COL11A2: variants seen among roughly 807,000 people sequenced by gnomAD.
COL11A2 encodes the protein collagen alpha-2(XI) chain.
COL11A2 carries 116 observed loss-of-function variants against 273.4 expected under a neutral mutation model. The observed-to-expected ratio is 0.42, with a 90% CI of 0.36 to 0.49. The LOEUF (loss-of-function observed/expected upper bound fraction) is 0.49. Among genes scored for constraint, COL11A2 ranks in the 20% least tolerant of loss-of-function variants. COL11A2 has a pLI of 0.00. For synonymous variants in COL11A2, 782 were observed against 864.2 expected, an observed-to-expected ratio of 0.90 and a Z score of 1.67; for missense variants, 1,866 against 2,309.0, an observed-to-expected ratio of 0.81 and a Z score of 3.93.
chr6:33,190,727 G>C lies in COL11A2; in HGVS notation c.83-1258C>G, dbSNP rs955179696. On this transcript the variant is annotated intron_variant, in intron 1 of 65. Transcript: ENST00000341947. The surrounding 1 kb of genome is among the most constrained non-coding windows in gnomAD (Gnocchi z 4.5). ...TGGCCCCTGCGCGTGTGGCAGCTCC[G>C]CAAACACCAACACACAAGGGCCGCT... Among the ~76,000 whole-genome samples the C allele has an allele frequency of 1.1e-4, 17 of 151,964 alleles. No homozygotes were observed. The highest frequency in any genetic ancestry group is 4.1e-4 in the African/African-American group (17 of 41,396).
Position 33,186,831 on chromosome 6 carries a change from G to T in COL11A2, c.607-13C>A. On this transcript the variant is annotated splice_polypyrimidine_tract_variant and intron_variant, in intron 4 of 65. Transcript: ENST00000341947. ...CCTGGACATCACCCTGCAAAGACATGAGAGAGATGGAGCGGAGAGATTCAG... is the reference window on the plus strand; with the variant it reads ...CCTGGACATCACCCTGCAAAGACATTAGAGAGATGGAGCGGAGAGATTCAG... The T allele has an allele frequency of 6.2e-7, 1 of 1,613,802 alleles. No individual in the cohort carries two copies. The highest frequency in any genetic ancestry group is 8.5e-7 in the Non-Finnish European group (1 of 1,180,026).
Position 33,170,005 on chromosome 6 carries a change from C to T in COL11A2, c.3636+42G>A. Reference sequence around the variant, plus strand: ...AATTGGCAGAAATCCAACTCCCATCCCCCACTTCCATGACTGGTCCACTCA... The same window carrying T: ...AATTGGCAGAAATCCAACTCCCATCTCCCACTTCCATGACTGGTCCACTCA... On this transcript the variant is annotated intron_variant, in intron 49 of 65. Transcript: ENST00000341947. The surrounding 1 kb of genome is among the most constrained non-coding windows in gnomAD (Gnocchi z 4.3). 6.2e-7 allele frequency: 1 copy of T among 1,613,016 alleles called. No individual in the cohort carries two copies. Among genetic ancestry groups the T allele is most frequent in the Non-Finnish European group, 8.5e-7 (1 of 1,179,490 alleles).
In COL11A2 at chr6:33,165,982, G is replaced by T. The variant is rs781755076; in HGVS notation, c.4431C>A (p.Gly1477=). The T allele has an allele frequency of 6.2e-7, 1 of 1,614,052 alleles. No homozygotes were observed. The highest frequency in any genetic ancestry group is 1.7e-5 in the Admixed American group (1 of 60,018). ...CCTTCTCTCCCTTGGGTCCGCCTGG[G>T]CCCTGACAAGGAATAAATCAGGTCA... ...AGPKGAKGAT[G]PGGPKGEKGV... is the part of the protein sequence containing the mutation. The change falls in exon 62 of 66, where the codon GGC becomes GGA. Residue 1477 remains glycine, a splice_region_variant and synonymous_variant. Coordinates refer to ENST00000341947, the MANE Select transcript of COL11A2 (RefSeq NM_080680.3). This position sits in a 1 kb window ranked among gnomAD's most constrained non-coding sequence, Gnocchi z 7.7.
Position 33,164,784 on chromosome 6 carries a change from A to G in COL11A2, c.4863+68T>C, listed in dbSNP as rs1768858674. 7.1e-7 allele frequency: 1 copy of G among 1,418,062 alleles called. No homozygotes were observed. The highest frequency in any genetic ancestry group is 1.4e-5 in the African/African-American group (1 of 70,244). 87.8% of individuals were successfully genotyped at this position (1,418,062 alleles called of 1,614,324 possible). A position where few individuals can be genotyped will look rare whatever the true frequency, so the allele number is the denominator to read the frequency against. On this transcript the variant is annotated intron_variant, in intron 64 of 65. Coordinates refer to ENST00000341947, the MANE Select transcript of COL11A2 (RefSeq NM_080680.3). The surrounding 1 kb of genome is among the most constrained non-coding windows in gnomAD (Gnocchi z 4.7). ...AGCCAGGGGACTGTCACCAAAACCC[A>G]GAAACCACTAAGCCCTGAGGGGGTG...
rs78286407 is a variant in COL11A2 at position 33,175,722 on chromosome 6, G to A, written c.2269-41C>T. On this transcript the variant is annotated intron_variant, in intron 29 of 65. Transcript: ENST00000341947. ...GGACAGGTGAGTGCTGGGGACTGGA[G>A]GTGGGCTCTGGGCCCAGAGGAGAAA... is the stretch of plus-strand genomic sequence containing the variant. 3 of 1,577,028 alleles carry A rather than the reference G, an allele frequency of 1.9e-6. No homozygotes were observed. In the South Asian group the frequency reaches 3.3e-5, roughly 17 times the overall value.
In COL11A2 at chr6:33,171,576, T is replaced by G; in HGVS notation, c.3151-2A>C. The G allele has an allele frequency of 6.2e-7, 1 of 1,613,516 alleles. No homozygotes were observed. Among genetic ancestry groups the G allele is most frequent in the Non-Finnish European group, 8.5e-7 (1 of 1,179,712 alleles). ...CGGGCCAATGGGGCCCTTCTCACCC[T>G]GTGGGACAGGAGGAAGGAGTCATGG... On this transcript the variant is annotated splice_acceptor_variant, in intron 42 of 65. Coordinates refer to ENST00000341947, the MANE Select transcript of COL11A2 (RefSeq NM_080680.3). LOFTEE classifies it high-confidence loss of function.
intron 4 of COL11A2, 35 bp downstream of exon 4, chr6:33,188,327 C>A: frequency 6.2e-7 from 1 of 1,612,648 alleles, no homozygotes; most frequent in Non-Finnish European, 8.5e-7. Flanking sequence ...GATAGGGGAC[C>A]AGAAGTCAAT....
In COL11A2 at chr6:33,176,169, G is replaced by C; in HGVS notation, c.2214+90C>G. 6.2e-7 allele frequency: 1 copy of C among 1,605,492 alleles called. No homozygotes were observed. Among genetic ancestry groups the C allele is most frequent in the Non-Finnish European group, 8.5e-7 (1 of 1,173,176 alleles). On this transcript the variant is annotated intron_variant, in intron 28 of 65. Coordinates refer to ENST00000341947, the MANE Select transcript of COL11A2 (RefSeq NM_080680.3). This position sits in a 1 kb window ranked among gnomAD's most constrained non-coding sequence, Gnocchi z 4.9. ...GGTGGAAGCAGGGGCTCGGGAGCTGGACGGCAGTGCGGGGCAGGCTGGAGG... is the reference window on the plus strand; with the variant it reads ...GGTGGAAGCAGGGGCTCGGGAGCTGCACGGCAGTGCGGGGCAGGCTGGAGG...
rs972456152 is a variant in COL11A2 at position 33,184,170 on chromosome 6, G to A, written c.1094C>T (p.Ser365Phe). Reference protein sequence around the residue: ...REETELGPALSAETAHSGAAA... With the variant: ...REETELGPALFAETAHSGAAA... ...GGCTCCTGAGTGGGCTGTCTCCGCA[G>A]AGAGGGCAGGGCCAAGCTCTGTCTC... The change falls in exon 8 of 66, where the codon TCT becomes TTT. Residue 365 changes from serine to phenylalanine, a missense_variant. By Grantham distance (155) the Ser-to-Phe change is radical. Transcript: ENST00000341947. 2 of 1,367,394 alleles carry A rather than the reference G, an allele frequency of 1.5e-6. No homozygotes were observed. The highest frequency in any genetic ancestry group is 2.9e-5 in the African/African-American group (2 of 67,868). 84.7% of individuals were successfully genotyped at this position (1,367,394 alleles called of 1,614,324 possible).
chr6:33,188,290 C>T (rs936857164), intron 4 of COL11A2, 72 bp downstream of exon 4: 1 of 1,566,926 alleles, frequency 6.4e-7, no homozygotes, highest in African/African-American at 1.4e-5. Context: ...AGATGACATG[C>T]TGGGGCCAGA....
intron 6 of COL11A2, 42 bp downstream of exon 6, chr6:33,185,659 G>A (rs369691946): frequency 2.0e-6 from 2 of 983,106 alleles, no homozygotes; most frequent in Non-Finnish European, 3.0e-6. Context: ...TGCTGGGGGT[G>A]CTGGGAGAAA....
chr6:33,171,876 G>C (rs1770135307), intron 41 of COL11A2, 56 bp from the exon 42 acceptor site: 1 of 1,590,558 alleles, frequency 6.3e-7, no homozygotes, highest in Admixed American at 1.7e-5. Flanking sequence ...GCCCATACCA[G>C]AGAACCTCAG....
Position 33,164,882 on chromosome 6 carries a change from G to T in COL11A2, c.4833C>A (p.Thr1611=), listed in dbSNP as rs755868290. 1 of 1,570,628 alleles carries T rather than the reference G, an allele frequency of 6.4e-7. No individual in the cohort carries two copies. The highest frequency in any genetic ancestry group is 8.6e-7 in the Non-Finnish European group (1 of 1,156,524). ...VFCNFTAGGE[T]CVTPRDDVTQ... ...TGACGTCATCCCTAGGCGTCACACA[G>T]GTCTCACCCCCTGCTGTGAAGTTGC... Residue 1611 remains threonine, a synonymous_variant, in exon 64 of 66, where the codon ACC becomes ACA. Coordinates refer to ENST00000341947, the MANE Select transcript of COL11A2 (RefSeq NM_080680.3). The surrounding 1 kb of genome is among the most constrained non-coding windows in gnomAD (Gnocchi z 4.7).
Position 33,170,405 on chromosome 6 carries a change from T to A in COL11A2, c.3529-26A>T. On this transcript the variant is annotated intron_variant, in intron 47 of 65. Transcript: ENST00000341947. This position sits in a 1 kb window ranked among gnomAD's most constrained non-coding sequence, Gnocchi z 4.3. ...CTGGGGGAAACAGATACACCACAGA[T>A]GAGGAAGGGAAGTGAGATGGCTGAG... is the stretch of plus-strand genomic sequence containing the variant. The A allele has an allele frequency of 6.2e-7, 1 of 1,605,434 alleles. No individual in the cohort carries two copies. Among genetic ancestry groups the A allele is most frequent in the South Asian group, 1.1e-5 (1 of 90,834 alleles).
intron 38 of COL11A2, 41 bp from the exon 39 acceptor site, chr6:33,172,678 A>G: frequency 6.4e-7 from 1 of 1,566,302 alleles, no homozygotes; most frequent in Non-Finnish European, 8.8e-7. Flanking sequence ...CAGGCCCTTC[A>G]TCTCGCTGTC....
Position 33,186,773 on chromosome 6 carries a change from A to G in COL11A2, c.652T>C (p.Tyr218His). 1.2e-6 allele frequency: 2 copies of G among 1,614,104 alleles called. No individual in the cohort carries two copies. The highest frequency in any genetic ancestry group is 1.7e-6 in the Non-Finnish European group (2 of 1,180,016). ...LAIVPGVQAA[Y>H]ESCEQKELEC... Reference sequence around the variant, plus strand: ...AGCTCCTTCTGTTCACATGATTCATAGGCTGCCTGGACCCCTGGGACAATG... The same window carrying G: ...AGCTCCTTCTGTTCACATGATTCATGGGCTGCCTGGACCCCTGGGACAATG... Residue 218 changes from tyrosine (Y) to histidine (H), a missense_variant, in exon 5 of 66, where the codon TAT becomes CAT. Tyr to His is a moderately conservative substitution (Grantham distance 83). Transcript: ENST00000341947.
At position 33,175,944 on chromosome 6, in the gene COL11A2, C is replaced by T. The variant is rs139380712; in HGVS notation, c.2268+72G>A. The T allele has an allele frequency of 4.3e-3, 6,641 of 1,557,732 alleles. 357 individuals carry two copies. In the South Asian group the frequency reaches 0.043, roughly 10 times the overall value. ...AGTCTGGAGACTCAGGAGAATAAACCGGTGCTTGGCGTCTCCAGAGTGGAG... is the reference window on the plus strand; with the variant it reads ...AGTCTGGAGACTCAGGAGAATAAACTGGTGCTTGGCGTCTCCAGAGTGGAG... On this transcript the variant is annotated intron_variant, in intron 29 of 65. Transcript: ENST00000341947.
Position 33,173,902 on chromosome 6 carries a change from G to A in COL11A2, c.2554C>T (p.Arg852Ter), listed in dbSNP as rs1387164225. 6 of 1,614,032 alleles carry A rather than the reference G, an allele frequency of 3.7e-6. No homozygotes were observed. Among genetic ancestry groups the A allele is most frequent in the East Asian group, 2.2e-5 (1 of 44,874 alleles). Residue 852 changes from arginine to a stop codon, truncating the protein, a stop_gained, in exon 34 of 66, where the codon CGA becomes TGA. Transcript: ENST00000341947. LOFTEE classifies it high-confidence loss of function. The surrounding 1 kb of genome is among the most constrained non-coding windows in gnomAD (Gnocchi z 6.3). ...GCTCCAGACTTCCCAGTGGCACCTC[G>A]GGGTCCCCGCTGACCCCGTGGACCC... ...PTGPRGQRGP[R>*]GATGKSGAKG...
chr6:33,166,288 T>A lies in COL11A2; in HGVS notation c.4393-82A>T. 1 of 1,520,350 alleles carries A rather than the reference T, an allele frequency of 6.6e-7. No homozygotes were observed. Among genetic ancestry groups the A allele is most frequent in the East Asian group, 2.4e-5 (1 of 42,198 alleles). The allele number at this position is 1,520,350 out of a possible 1,614,324, so 94.2% of individuals were successfully genotyped here. A position where few individuals can be genotyped will look rare whatever the true frequency, so the allele number is the denominator to read the frequency against. ...AGGAGCGGGGAGGCAAGGTCCCAAG[T>A]CCACAGGAGCCTCGGGTTACTACAG... On this transcript the variant is annotated intron_variant, in intron 60 of 65. Transcript: ENST00000341947. This position sits in a 1 kb window ranked among gnomAD's most constrained non-coding sequence, Gnocchi z 4.8.
Sources: allele counts gnomAD v4.1 joint callset (sites outside exome capture counted in the v4.1 genomes callset), GRCh38; gene constraint gnomAD v4.1.1; non-coding constraint Gnocchi (gnomAD v3.1); transcripts MANE v1.5; gene names NCBI Gene and HGNC (gene_info 2026-07-23, HGNC 2026-07-21).